The following ATP2A2 variants were observed in gnomAD, a reference collection of about 807,000 sequenced individuals.
The protein encoded by ATP2A2 is ATPase sarcoplasmic/endoplasmic reticulum Ca2+ transporting 2.
In ATP2A2, 14 loss-of-function variants were observed where a neutral mutation model predicts 109.3. The ratio of observed to expected loss-of-function variants is 0.13; its 90% CI spans 0.08 to 0.20. The LOEUF (loss-of-function observed/expected upper bound fraction) is 0.20, where lower values mean the gene tolerates loss of function less well. Among genes scored for constraint, ATP2A2 ranks in the 10% least tolerant of loss-of-function variants. The pLI is 1.00. For missense variants in ATP2A2, 657 were observed against 1,321.6 expected (o/e 0.50, Z 7.80); for synonymous variants, 506 against 490.9 (o/e 1.03, Z -0.41).
At chr12:110,319,853 C>G (rs1877062876) in intron 5 of ATP2A2, among the ~76,000 whole-genome samples, 1 of 151,790 alleles carries the variant, frequency 6.6e-6, no homozygotes, top group African/African-American at 2.4e-5. Flanking sequence ...ATTGGATATC[C>G]CTAATCTGAA....
At chr12:110,306,670 G>A (rs1380990879) in intron 5 of ATP2A2, among the ~76,000 whole-genome samples, 1 of 152,166 alleles carries the variant, frequency 6.6e-6, no homozygotes, top group South Asian at 2.1e-4. Flanking sequence ...CATCCATTTT[G>A]CTGGAAAAGA....
chr12:110,349,073 GC>G lies in ATP2A2; in HGVS notation c.*2606del. The G allele has an allele frequency of 1.0e-6, 1 of 985,502 alleles. No homozygotes were observed. The highest frequency in any genetic ancestry group is 1.2e-6 in the Non-Finnish European group (1 of 830,010). 61.0% of individuals were successfully genotyped at this position (985,502 alleles called of 1,614,324 possible). A position where few individuals can be genotyped will look rare whatever the true frequency, so the allele number is the denominator to read the frequency against. On this transcript the variant is annotated 3_prime_UTR_variant, in exon 20 of 20. Transcript: ENST00000539276. ...TCAGACCCCTCCAGCCCACAGAGGA[GC>G]CCATGGAGGGACCCACTTCCCTTGG...
Position 110,346,912 on chromosome 12 carries a change from T to A in ATP2A2, c.*442T>A, listed in dbSNP as rs1401380361. ...ATCCGGATTTAATTTGATATCACAG[T>A]CTAATTTTTATTCATAAGCCAATTT... On this transcript the variant is annotated 3_prime_UTR_variant, in exon 20 of 20. Coordinates refer to ENST00000539276, the MANE Select transcript of ATP2A2 (RefSeq NM_170665.4). 4 of 1,089,594 alleles carry A rather than the reference T, an allele frequency of 3.7e-6. No individual in the cohort carries two copies. The highest frequency in any genetic ancestry group is 3.4e-6 in the Non-Finnish European group (3 of 893,852). 67.5% of individuals were successfully genotyped at this position (1,089,594 alleles called of 1,614,324 possible). A position where few individuals can be genotyped will look rare whatever the true frequency, so the allele number is the denominator to read the frequency against.
At chr12:110,291,766 C>A (rs1409609085) in intron 3 of ATP2A2, among the ~76,000 whole-genome samples, 1 of 151,664 alleles carries the variant, frequency 6.6e-6, no homozygotes, top group Non-Finnish European at 1.5e-5. Flanking sequence ...CTTGCCTCAG[C>A]CTCCTGAGTA....
At chr12:110,285,784 C>G (rs1872595020) in intron 3 of ATP2A2, among the ~76,000 whole-genome samples, 1 of 152,140 alleles carries the variant, frequency 6.6e-6, no homozygotes, top group Non-Finnish European at 1.5e-5. Context: ...TTTCCCATGT[C>G]AGCTACTTAG....
chr12:110,330,560 G>A (rs549644610), intron 8 of ATP2A2: 1 of 152,294 alleles, frequency 6.6e-6, no homozygotes, highest in South Asian at 2.1e-4. Flanking sequence ...TAGTCTTTAT[G>A]TCTGTGAAAG....
intron 3 of ATP2A2, among the ~76,000 whole-genome samples, chr12:110,284,932 T>C (rs1237134346): frequency 6.6e-6 from 1 of 152,180 alleles, no homozygotes; most frequent in African/African-American, 2.4e-5. Context: ...GCATTGTCTT[T>C]AGTGTTTCAT....
chr12:110,288,101 C>CTTTTTTTT (rs71083111), intron 3 of ATP2A2, among the ~76,000 whole-genome samples: 5 of 87,312 alleles, frequency 5.7e-5, no homozygotes, highest in African/African-American at 1.1e-4. Context: ...ATGCTTTGCC[C>CTTTTTTTT]TTTTTTTTTT....
intron 11 of ATP2A2, among the ~76,000 whole-genome samples, chr12:110,335,360 C>T (rs1878744526): frequency 6.6e-6 from 1 of 152,192 alleles, no homozygotes; most frequent in African/African-American, 2.4e-5. Flanking sequence ...TGTCACTTGG[C>T]TCAGCTTAAG....
intron 4 of ATP2A2, among the ~76,000 whole-genome samples, chr12:110,293,338 G>A (rs1873531158): frequency 6.8e-6 from 1 of 148,132 alleles, no homozygotes; most frequent in Admixed American, 6.7e-5. Flanking sequence ...AAAGTGCTGG[G>A]ATTACAGGTG....
At chr12:110,329,899 T>G (rs1341150004) in intron 8 of ATP2A2, 1 of 152,230 alleles carries the variant, frequency 6.6e-6, no homozygotes, top group African/African-American at 2.4e-5. Context: ...TACACATGAC[T>G]CATACAGAGT....
rs958755731 is a variant in ATP2A2, at chr12:110,348,337, G to T, written c.*1867G>T. ...TGCAGGGGATGTTAAAGCACAGTTA[G>T]TAGGACGTGGCTCTGCACAGCCCAA... On this transcript the variant is annotated 3_prime_UTR_variant, in exon 20 of 20. Transcript: ENST00000539276. The T allele has an allele frequency of 2.0e-6, 2 of 985,232 alleles. No individual in the cohort carries two copies. Among genetic ancestry groups the T allele is most frequent in the Non-Finnish European group, 2.4e-6 (2 of 829,950 alleles). The allele number at this position is 985,232 out of a possible 1,614,324, so 61.0% of individuals were successfully genotyped here. A position where few individuals can be genotyped will look rare whatever the true frequency, so the allele number is the denominator to read the frequency against.
At chr12:110,323,581 G>A (rs976577078) in intron 6 of ATP2A2, among the ~76,000 whole-genome samples, 8 of 152,156 alleles carry the variant, frequency 5.3e-5, no homozygotes, top group African/African-American at 1.9e-4. Flanking sequence ...AGACTGAGGC[G>A]GGCAGATGGC....
intron 4 of ATP2A2, 87 bp from the exon 5 acceptor site, chr12:110,296,512 T>G: frequency 5.1e-6 from 8 of 1,553,512 alleles, no homozygotes; most frequent in Non-Finnish European, 7.1e-6. Context: ...TTTTTAAAGA[T>G]TAGACCTCTA....
chr12:110,339,784 C>T lies in ATP2A2; in HGVS notation c.1761+63C>T. 2 of 1,534,272 alleles carry T rather than the reference C, an allele frequency of 1.3e-6. No homozygotes were observed. The highest frequency in any genetic ancestry group is 1.8e-6 in the Non-Finnish European group (2 of 1,112,380). On this transcript the variant is annotated intron_variant, in intron 13 of 19. Transcript: ENST00000539276. The surrounding 1 kb of genome is among the most constrained non-coding windows in gnomAD (Gnocchi z 4.4). ...CGATTCATTGTGTTTAAACAGTACT[C>T]CTTCAAGCAAAAGGTCAAACAGTTC... is the stretch of plus-strand genomic sequence containing the variant.
chr12:110,285,918 T>C (rs1216437267), intron 3 of ATP2A2, among the ~76,000 whole-genome samples: 2 of 149,116 alleles, frequency 1.3e-5, no homozygotes, highest in Admixed American at 6.7e-5. Context: ...GTTAGTGCTT[T>C]TTTTTTTTTT....
chr12:110,324,427 T>C (rs185320379), intron 6 of ATP2A2, among the ~76,000 whole-genome samples: 1 of 147,550 alleles, frequency 6.8e-6, no homozygotes, highest in Non-Finnish European at 1.5e-5. Flanking sequence ...TTAAAAAAAA[T>C]TTTTTTTTTT....
Position 110,346,440 on chromosome 12 carries a change from C to T in ATP2A2, c.3099C>T (p.Asp1033=), listed in dbSNP as rs1214750212. The change falls in exon 20 of 20, where the codon GAC becomes GAT. Residue 1033 remains aspartate (D), a synonymous_variant. Coordinates refer to ENST00000539276, the MANE Select transcript of ATP2A2 (RefSeq NM_170665.4). ...TGGTGATCTGGGTCTATAGCACAGA[C>T]ACTAACTTTAGCGATATGTTCTGGT... ...MPLVIWVYST[D]TNFSDMFWS is the part of the protein sequence containing the mutation. 6.2e-7 allele frequency: 1 copy of T among 1,614,252 alleles called. No homozygotes were observed. The highest frequency in any genetic ancestry group is 8.5e-7 in the Non-Finnish European group (1 of 1,180,052).
intron 16 of ATP2A2, among the ~76,000 whole-genome samples, chr12:110,344,645 C>T (rs959280237): frequency 1.3e-5 from 2 of 152,236 alleles, no homozygotes; most frequent in African/African-American, 2.4e-5. Context: ...CTTTTTCTCA[C>T]ACATTCTGGA....
Sources: gnomAD v4.1 joint callset for allele counts (sites outside exome capture counted in the v4.1 genomes callset) on GRCh38, gnomAD v4.1.1 for gene constraint, Gnocchi (gnomAD v3.1) non-coding constraint, MANE v1.5 for transcripts, NCBI Gene and HGNC (gene_info 2026-07-23, HGNC 2026-07-21) for gene names.